The following EPC1 variants were observed in gnomAD, a reference collection of about 807,000 sequenced individuals.
EPC1 encodes the protein enhancer of polycomb homolog 1.
EPC1 carries 12 observed loss-of-function variants against 98.4 expected under a neutral mutation model. The observed-to-expected ratio is 0.12, with a 90% CI of 0.08 to 0.20. The LOEUF (loss-of-function observed/expected upper bound fraction) is 0.20, where lower values mean the gene tolerates loss of function less well. EPC1 is among the 10% of genes least tolerant of loss of function. The pLI, the probability that EPC1 is intolerant of heterozygous loss-of-function variation, is 1.00. For synonymous variants in EPC1, 357 were observed against 363.9 expected (o/e 0.98, Z 0.21); for missense variants, 729 against 990.5 (o/e 0.74, Z 3.54).
At chr10:32,295,034 T>TC (rs1371083785) in intron 2 of EPC1, among the ~76,000 whole-genome samples, 5 of 152,188 alleles carry the variant, frequency 3.3e-5, no homozygotes, top group African/African-American at 1.2e-4. Flanking sequence ...TTTTTGATTT[T>TC]TCCCCACCCA....
chr10:32,290,942 T>G (rs1836987623), intron 6 of EPC1, among the ~76,000 whole-genome samples: 1 of 151,850 alleles, frequency 6.6e-6, no homozygotes, highest in Admixed American at 6.6e-5. Context: ...ACCTGGCTAA[T>G]TTTTTTGTAT....
At chr10:32,298,051 C>G (rs1028332694) in intron 2 of EPC1, among the ~76,000 whole-genome samples, 5 of 152,124 alleles carry the variant, frequency 3.3e-5, no homozygotes, top group Non-Finnish European at 7.4e-5. Flanking sequence ...CCCACCTCGG[C>G]CTCCCAAAGG....
intron 1 of EPC1, among the ~76,000 whole-genome samples, chr10:32,323,946 A>T (rs985405062): frequency 1.3e-5 from 2 of 151,898 alleles, no homozygotes; most frequent in Non-Finnish European, 2.9e-5. Flanking sequence ...TTTTATTTTT[A>T]TTTTTTTGAG....
intron 6 of EPC1, among the ~76,000 whole-genome samples, chr10:32,287,728 A>C (rs1361635434): frequency 2.0e-5 from 3 of 152,236 alleles, no homozygotes; most frequent in Non-Finnish European, 4.4e-5. Context: ...AAACTACAGA[A>C]AACTGTTAAC....
chr10:32,318,178 T>C (rs926445277), intron 1 of EPC1, among the ~76,000 whole-genome samples: 5 of 152,212 alleles, frequency 3.3e-5, no homozygotes, highest in African/African-American at 1.2e-4. Context: ...TCTAATTGAA[T>C]CATTTCCCCA....
intron 2 of EPC1, among the ~76,000 whole-genome samples, chr10:32,303,324 A>G (rs1835683550): frequency 1.3e-5 from 2 of 152,124 alleles, no homozygotes; most frequent in Non-Finnish European, 2.9e-5. Flanking sequence ...AACAACAACA[A>G]ACAACTCATG....
chr10:32,318,133 A>T (rs1836664076), intron 1 of EPC1, among the ~76,000 whole-genome samples: 1 of 152,206 alleles, frequency 6.6e-6, no homozygotes, highest in South Asian at 2.1e-4. Context: ...AGGGAATAAA[A>T]TTAGAGTCTC....
At chr10:32,374,496 A>G (rs1592645679) in intron 1 of EPC1, 1 of 152,082 alleles carries the variant, frequency 6.6e-6, no homozygotes, top group East Asian at 1.9e-4. Flanking sequence ...TCATTTTGCA[A>G]TAGGAATTTG....
In EPC1 at chr10:32,346,808, C is replaced by T; in HGVS notation, c.108G>A (p.Arg36=). ...TTCCGGTGGGCATCTGCGGCACGGCCCTGTTTATCGAGGCGTATTCGTGCA... is the reference window on the plus strand; with the variant it reads ...TTCCGGTGGGCATCTGCGGCACGGCTCTGTTTATCGAGGCGTATTCGTGCA... The part of the protein sequence containing the change: ...PDLHEYASIN[R]AVPQMPTGME... The change falls in exon 1 of 14, where the codon AGG becomes AGA. Residue 36 remains arginine, a synonymous_variant. Coordinates refer to ENST00000319778, the MANE Select transcript of EPC1 (RefSeq NM_001272004.3). 6.2e-7 allele frequency: 1 copy of T among 1,614,174 alleles called. No individual in the cohort carries two copies. Among genetic ancestry groups the T allele is most frequent in the Admixed American group, 1.7e-5 (1 of 60,032 alleles).
At chr10:32,353,541 A>T (rs1441557581) in intron 1 of EPC1, among the ~76,000 whole-genome samples, 1 of 152,180 alleles carries the variant, frequency 6.6e-6, no homozygotes, top group Admixed American at 6.5e-5. Flanking sequence ...CGGATTCCTC[A>T]TTTCTTCAAG....
Position 32,273,246 on chromosome 10 carries a change from G to C in EPC1, c.1780C>G (p.Gln594Glu). The C allele has an allele frequency of 6.2e-7, 1 of 1,613,808 alleles. No homozygotes were observed. Among genetic ancestry groups the C allele is most frequent in the Non-Finnish European group, 8.5e-7 (1 of 1,179,700 alleles). ...TGCTGTTTCTGCATGAGTGCCAGTT[G>C]CTGTTGATGTTGCTGGTATTGTTCG... is the stretch of plus-strand genomic sequence containing the variant. ...TAEQYQQHQQ[Q>E]LALMQKQQLA... Residue 594 changes from glutamine to glutamate, a missense_variant, in exon 11 of 14, where the codon CAA (glutamine) becomes GAA (glutamate). Physicochemically the swap from Gln to Glu is conservative, Grantham distance 29 (BLOSUM62 2). Coordinates refer to ENST00000319778, the MANE Select transcript of EPC1 (RefSeq NM_001272004.3).
At chr10:32,305,422 T>A (rs2132817400) in intron 2 of EPC1, among the ~76,000 whole-genome samples, 1 of 152,262 alleles carries the variant, frequency 6.6e-6, no homozygotes, top group East Asian at 1.9e-4. Context: ...GTCTGCTGAC[T>A]CTCACTTACA....
intron 13 of EPC1, among the ~76,000 whole-genome samples, chr10:32,269,793 T>G (rs1835752280): frequency 6.6e-6 from 1 of 152,236 alleles, no homozygotes; most frequent in Non-Finnish European, 1.5e-5. Flanking sequence ...TGGATTGGCA[T>G]TAAGCAGACA....
intron 2 of EPC1, among the ~76,000 whole-genome samples, chr10:32,301,644 T>C (rs1592570411): frequency 6.6e-6 from 1 of 152,208 alleles, no homozygotes; most frequent in East Asian, 1.9e-4. Context: ...GTCCAGTTAA[T>C]TTTTGACCAG....
intron 1 of EPC1, chr10:32,374,472 CAA>C (rs1486764822): frequency 2.6e-5 from 4 of 151,960 alleles, no homozygotes; most frequent in African/African-American, 4.8e-5. Flanking sequence ...GCCAATAAAT[CAA>C]AGTTTCATTT....
chr10:32,343,562 TC>T (rs1838519747), intron 1 of EPC1, among the ~76,000 whole-genome samples: 1 of 152,228 alleles, frequency 6.6e-6, no homozygotes, highest in Non-Finnish European at 1.5e-5. Flanking sequence ...TTCTGCGAAT[TC>T]ACATTTAATC....
intron 1 of EPC1, among the ~76,000 whole-genome samples, chr10:32,309,203 A>C (rs765861142): frequency 2.3e-4 from 35 of 152,320 alleles, no homozygotes; most frequent in Middle Eastern, 3.4e-3. Context: ...AGATTTGAAC[A>C]GTATTTGATA....
intron 1 of EPC1, among the ~76,000 whole-genome samples, chr10:32,356,652 A>T (rs188727878): frequency 7.2e-5 from 11 of 152,286 alleles, no homozygotes; most frequent in Admixed American, 4.6e-4. Context: ...TGAGCCGTGA[A>T]TTGGAAGTTA....
intron 2 of EPC1, among the ~76,000 whole-genome samples, chr10:32,304,737 T>C (rs1033417487): frequency 2.0e-5 from 3 of 151,800 alleles, no homozygotes; most frequent in Non-Finnish European, 4.4e-5. Context: ...CTGACCAACA[T>C]GGAGAAACCC....
Sources: allele counts gnomAD v4.1 joint callset (sites outside exome capture counted in the v4.1 genomes callset), GRCh38; gene constraint gnomAD v4.1.1; transcripts MANE v1.5; gene names NCBI Gene and HGNC (gene_info 2026-07-23, HGNC 2026-07-21).